The following VPS45 variants were observed in gnomAD, a reference collection of about 807,000 sequenced individuals.
VPS45 encodes vacuolar protein sorting 45 homolog.
A neutral mutation model predicts 75.9 loss-of-function variants in VPS45; 35 were observed. The ratio of observed to expected loss-of-function variants is 0.46; its 90% CI spans 0.35 to 0.61. The LOEUF (loss-of-function observed/expected upper bound fraction) is 0.61, where lower values mean the gene tolerates loss of function less well. Ranked by LOEUF, VPS45 falls within the 20% of genes least tolerant of loss-of-function variation. The pLI is 0.00. For missense variants in VPS45, 559 were observed against 685.9 expected (o/e 0.81, Z 2.07); for synonymous variants, 220 against 238.2 (o/e 0.92, Z 0.70).
Position 150,076,901 on chromosome 1 carries a change from G to A in VPS45, c.370-15G>A. 1 of 1,613,668 alleles carries A rather than the reference G, an allele frequency of 6.2e-7. No homozygotes were observed. Among genetic ancestry groups the A allele is most frequent in the Non-Finnish European group, 8.5e-7 (1 of 1,179,842 alleles). Reference sequence around the variant, plus strand: ...GAAGTTTATGGAATGACTATTCTTGGTGCTTTATTTGCAGGAATTTTATGG... The same window carrying A: ...GAAGTTTATGGAATGACTATTCTTGATGCTTTATTTGCAGGAATTTTATGG... On this transcript the variant is annotated splice_polypyrimidine_tract_variant and intron_variant, in intron 4 of 14. Transcript: ENST00000644510.
chr1:150,076,551 A>G (rs1655396137), intron 4 of VPS45: 1 of 479,992 alleles, frequency 2.1e-6, no homozygotes, highest in Non-Finnish European at 3.7e-6. Context: ...TTTAAATTAT[A>G]TTCTCTCTCA....
chr1:150,130,048 G>T (rs1658745238), intron 14 of VPS45, among the ~76,000 whole-genome samples: 1 of 151,466 alleles, frequency 6.6e-6, no homozygotes, highest in Non-Finnish European at 1.5e-5. Flanking sequence ...CTATTTATTT[G>T]AGATGGAGTC....
upstream of VPS45, chr1:150,067,700 C>T: frequency 1.4e-6 from 1 of 695,466 alleles, no homozygotes; most frequent in Non-Finnish European, 2.5e-6. Flanking sequence ...CCTGTACACT[C>T]CAGCGGAACT....
intron 10 of VPS45, among the ~76,000 whole-genome samples, chr1:150,085,646 C>T (rs1385329618): frequency 6.6e-6 from 1 of 151,938 alleles, no homozygotes; most frequent in African/African-American, 2.4e-5. Flanking sequence ...CATTCCTTGG[C>T]TTGACCTTAG....
At chr1:150,123,729 A>T (rs1658356681) in intron 14 of VPS45, among the ~76,000 whole-genome samples, 1 of 152,190 alleles carries the variant, frequency 6.6e-6, no homozygotes, top group South Asian at 2.1e-4. Context: ...ATCCATATAG[A>T]TGGAATTGTT....
intron 14 of VPS45, among the ~76,000 whole-genome samples, chr1:150,124,716 A>AT (rs58720904): frequency 0.023 from 3,146 of 138,562 alleles, 112 homozygotes; most frequent in African/African-American, 0.075. Flanking sequence ...CACCTGGCTA[A>AT]TTTTTTTTTT....
At chr1:150,104,646 C>G (rs1354986596) in intron 13 of VPS45, among the ~76,000 whole-genome samples, 1 of 152,142 alleles carries the variant, frequency 6.6e-6, no homozygotes, top group African/African-American at 2.4e-5. Context: ...GCAGTCACAG[C>G]TCACTGCAGC....
intron 14 of VPS45, among the ~76,000 whole-genome samples, chr1:150,113,545 A>G (rs1290198264): frequency 6.6e-6 from 1 of 152,184 alleles, no homozygotes; most frequent in Non-Finnish European, 1.5e-5. Flanking sequence ...ATTCATTATT[A>G]TGACTTCTGT....
intron 2 of VPS45, among the ~76,000 whole-genome samples, chr1:150,069,217 G>A (rs1654892404): frequency 6.6e-6 from 1 of 152,100 alleles, no homozygotes; most frequent in African/African-American, 2.4e-5. Context: ...GCCCTACTTT[G>A]TTGGTTTGAT....
chr1:150,118,513 C>T (rs998187811), intron 14 of VPS45, among the ~76,000 whole-genome samples: 1 of 150,272 alleles, frequency 6.7e-6, no homozygotes, highest in Non-Finnish European at 1.5e-5. Flanking sequence ...TCAAGCAATT[C>T]TCCTGCCTCA....
At chr1:150,139,557 C>CTT (rs11336306) in intron 14 of VPS45, among the ~76,000 whole-genome samples, 2 of 151,648 alleles carry the variant, frequency 1.3e-5, no homozygotes, top group African/African-American at 4.9e-5. Flanking sequence ...GATGAACTCT[C>CTT]TTTTTTTTGA....
chr1:150,086,968 A>C (rs1656049936), intron 10 of VPS45, among the ~76,000 whole-genome samples: 1 of 4,172 alleles, frequency 2.4e-4, no homozygotes, highest in Non-Finnish European at 6.3e-4. Flanking sequence ...GGTTAAACTA[A>C]AACAAAAAAA....
intron 13 of VPS45, among the ~76,000 whole-genome samples, chr1:150,102,532 A>G (rs112245786): frequency 0.12 from 15,801 of 134,692 alleles, 1,169 homozygotes; most frequent in Non-Finnish European, 0.17. Flanking sequence ...CTGGGCAATG[A>G]ACGAAACTCT....
At chr1:150,090,118 T>C (rs1184021167) in intron 10 of VPS45, among the ~76,000 whole-genome samples, 1 of 152,232 alleles carries the variant, frequency 6.6e-6, no homozygotes, top group Non-Finnish European at 1.5e-5. Flanking sequence ...AAAGTAATCA[T>C]ATAGTTGATA....
intron 14 of VPS45, among the ~76,000 whole-genome samples, chr1:150,115,417 T>TAG (rs1657878778): frequency 6.6e-6 from 1 of 152,196 alleles, no homozygotes; most frequent in Non-Finnish European, 1.5e-5. Flanking sequence ...TAGTATCCTC[T>TAG]TTTTTTCTCA....
At position 150,078,362 on chromosome 1, in the gene VPS45, A is replaced by G. The variant is rs587690909; in HGVS notation, c.687+583A>G. 2.0e-5 allele frequency among the ~76,000 whole-genome samples: 3 copies of G among 152,324 alleles called. No homozygotes were observed. In the East Asian group the frequency reaches 5.8e-4, roughly 29 times the overall value. On this transcript the variant is annotated intron_variant, in intron 7 of 14. Transcript: ENST00000644510. ...TCACCACTTACATAGATAATGCCAC[A>G]TGGTTTCCTGCCAGCATGCTTTTAC...
rs781925027 is a variant in VPS45, at chr1:150,072,157, A to AT, written c.229-5dup. ...CTCATATTTTGTTTGCTTGTTCTTC[A>AT]TTTTCTAGGAGAATGTGGATTATAT... On this transcript the variant is annotated splice_polypyrimidine_tract_variant and intron_variant, in intron 2 of 14. Transcript: ENST00000644510. 7 of 1,603,724 alleles carry AT rather than the reference A, an allele frequency of 4.4e-6. No homozygotes were observed. In the Admixed American group the frequency reaches 1.0e-4, roughly 23 times the overall value.
rs965290561 is a variant in VPS45, at chr1:150,131,131, G to C, written c.1626-13578G>C. Reference sequence around the variant, plus strand: ...CGGCCAGAAAAATTTTATTATACCTGTATAGTATATACACATAATAGTGTG... The same window carrying C: ...CGGCCAGAAAAATTTTATTATACCTCTATAGTATATACACATAATAGTGTG... On this transcript the variant is annotated intron_variant, in intron 14 of 14. Transcript: ENST00000644510. Among the ~76,000 whole-genome samples the C allele has an allele frequency of 7.2e-5, 11 of 152,116 alleles. 1 individual carries two copies. Among genetic ancestry groups the C allele is most frequent in the African/African-American group, 2.7e-4 (11 of 41,420 alleles).
At chr1:150,099,099 T>TA (rs1428178617) in intron 13 of VPS45, 2 of 1,016,366 alleles carry the variant, frequency 2.0e-6, no homozygotes, top group African/African-American at 3.5e-5. Flanking sequence ...GTTCAGAAAT[T>TA]ACAATTTTAG....
Sources: allele counts gnomAD v4.1 joint callset (sites outside exome capture counted in the v4.1 genomes callset), GRCh38; gene constraint gnomAD v4.1.1; transcripts MANE v1.5; gene names NCBI Gene and HGNC (gene_info 2026-07-23, HGNC 2026-07-21).